Variants in MAD1L1 observed in about 807,000 individuals in gnomAD.
MAD1L1 encodes mitotic arrest deficient 1 like 1.
A neutral mutation model predicts 96.9 loss-of-function variants in MAD1L1; 95 were observed. The ratio of observed to expected loss-of-function variants is 0.98; its 90% CI spans 0.83 to 1.16. The LOEUF is 1.16. Among genes scored for constraint, MAD1L1 ranks in the 50% most tolerant of loss-of-function variants. The pLI is 0.00. For synonymous variants in MAD1L1, 473 were observed against 396.6 expected (o/e 1.19, Z -2.29); for missense variants, 1,007 against 954.4 (o/e 1.06, Z -0.73).
chr7:2,208,288 C>T lies in MAD1L1; in HGVS notation c.986+4924G>A, dbSNP rs976057536. 6.6e-5 allele frequency among the ~76,000 whole-genome samples: 10 copies of T among 151,788 alleles called. No homozygotes were observed. In the South Asian group the frequency reaches 1.5e-3, roughly 22 times the overall value. ...GTATCCCGTGACCCTGTAAACCTCA[C>T]GGTTTAGTCCTACTGGCTTGTCATT... On this transcript the variant is annotated intron_variant, in intron 10 of 18. Coordinates refer to ENST00000265854, the MANE Select transcript of MAD1L1 (RefSeq NM_001013836.2).
At chr7:2,116,574 G>GT (rs1562702945) in intron 11 of MAD1L1, among the ~76,000 whole-genome samples, 1 of 150,622 alleles carries the variant, frequency 6.6e-6, no homozygotes, top group Non-Finnish European at 1.5e-5. Flanking sequence ...GGTTGGGGGG[G>GT]GGGGGGGCTC....
intron 18 of MAD1L1, chr7:1,838,661 CGGCTGG>C: frequency 1.2e-5 from 5 of 430,814 alleles, no homozygotes; most frequent in East Asian, 7.3e-5. Context: ...CGGCTGCCGA[CGGCTGG>C]GACTGGGAGA....
chr7:2,114,052 G>A lies in MAD1L1; in HGVS notation c.1073+35100C>T, dbSNP rs1026442437. ...AGACCTGAACGCAGTCAGGACCCGC[G>A]CCTGCTGCACCCAGGCCTTACAGCT... On this transcript the variant is annotated intron_variant, in intron 11 of 18. Transcript: ENST00000265854. The surrounding 1 kb of genome is among the most constrained non-coding windows in gnomAD (Gnocchi z 4.2). Among the ~76,000 whole-genome samples the A allele has an allele frequency of 3.9e-5, 6 of 152,172 alleles. No individual in the cohort carries two copies. Among genetic ancestry groups the A allele is most frequent in the African/African-American group, 1.2e-4 (5 of 41,438 alleles).
At chr7:1,973,067 G>A (rs577892778) in intron 15 of MAD1L1, among the ~76,000 whole-genome samples, 4 of 152,290 alleles carry the variant, frequency 2.6e-5, no homozygotes, top group African/African-American at 4.8e-5. Context: ...TTGATGACCC[G>A]TGATGTGATC....
intron 10 of MAD1L1, among the ~76,000 whole-genome samples, chr7:2,160,100 G>A (rs770185521): frequency 5.3e-5 from 8 of 151,932 alleles, no homozygotes; most frequent in Non-Finnish European, 1.0e-4. Flanking sequence ...GCCTGGTGGG[G>A]AGTGCCTATA....
chr7:2,022,461 T>C (rs111760632), intron 12 of MAD1L1, among the ~76,000 whole-genome samples: 10,814 of 151,916 alleles, frequency 0.071, 1,239 homozygotes, highest in African/African-American at 0.24. Context: ...CGAAACCCTG[T>C]CTCTACTAAA....
intron 18 of MAD1L1, chr7:1,848,485 C>A (rs144610904): frequency 1.3e-5 from 2 of 152,424 alleles, no homozygotes; most frequent in African/African-American, 2.4e-5. Flanking sequence ...GGCCAGTCAC[C>A]GGGCCCGGCT....
In MAD1L1 at chr7:2,013,880, T is replaced by A. The variant is rs142146037; in HGVS notation, c.1359+622A>T. Among the ~76,000 whole-genome samples the A allele has an allele frequency of 5.1e-3, 769 of 152,262 alleles. 7 individuals are homozygous for A. The highest frequency in any genetic ancestry group is 0.017 in the African/African-American group (708 of 41,560). ...TTCTTCCCACTGCACAGGTGAGAGC[T>A]GCTCAGAGCTAGACAAGGGCACGGA... On this transcript the variant is annotated intron_variant, in intron 13 of 18. Transcript: ENST00000265854.
chr7:1,823,954 GAGAGGAAAGGAGCCCT>G (rs1337067400), intron 18 of MAD1L1, among the ~76,000 whole-genome samples: 2 of 152,208 alleles, frequency 1.3e-5, no homozygotes, highest in African/African-American at 4.8e-5. Flanking sequence ...TCTGTGTGGG[GAGAGGAAAGGAGCCCT>G]CGGGGGAAGT....
In MAD1L1 at chr7:1,957,562, C is replaced by T. The variant is rs527701371; in HGVS notation, c.1596+67G>A. On this transcript the variant is annotated intron_variant, in intron 16 of 18. Coordinates refer to ENST00000265854, the MANE Select transcript of MAD1L1 (RefSeq NM_001013836.2). Reference sequence around the variant, plus strand: ...GTTCTGTGGCAGCAGGAACCACGGTCGTTCACGACGCCCAAAGAAATGAGA... The same window carrying T: ...GTTCTGTGGCAGCAGGAACCACGGTTGTTCACGACGCCCAAAGAAATGAGA... The T allele has an allele frequency of 2.9e-5, 43 of 1,496,816 alleles. No individual in the cohort carries two copies. In the Admixed American group the frequency reaches 6.3e-4, roughly 22 times the overall value. 92.7% of individuals were successfully genotyped at this position (1,496,816 alleles called of 1,614,324 possible). A position where few individuals can be genotyped will look rare whatever the true frequency, so the allele number is the denominator to read the frequency against.
chr7:1,973,328 C>T (rs1359162722), intron 15 of MAD1L1, among the ~76,000 whole-genome samples: 1 of 152,164 alleles, frequency 6.6e-6, no homozygotes, highest in South Asian at 2.1e-4. Context: ...GACCTGGGGG[C>T]AGAGTGGGAG....
intron 18 of MAD1L1, among the ~76,000 whole-genome samples, chr7:1,864,533 C>T (rs187849541): frequency 7.9e-5 from 12 of 152,348 alleles, no homozygotes; most frequent in Non-Finnish European, 1.5e-4. Context: ...GACACAGTTG[C>T]TGGGCAATTT....
At chr7:2,045,646 C>T (rs1783886452) in intron 12 of MAD1L1, among the ~76,000 whole-genome samples, 1 of 152,082 alleles carries the variant, frequency 6.6e-6, no homozygotes, top group Non-Finnish European at 1.5e-5. Context: ...CCTGACGATG[C>T]CCTGGAAAAG....
At chr7:1,954,749 G>A (rs1409297343) in intron 16 of MAD1L1, among the ~76,000 whole-genome samples, 2 of 152,172 alleles carry the variant, frequency 1.3e-5, no homozygotes, top group South Asian at 2.1e-4. Context: ...GGCTCCCTGT[G>A]GGCCTCACTT....
intron 2 of MAD1L1, 33 bp from the exon 3 acceptor site, chr7:2,230,176 C>T (rs1055042050): frequency 6.5e-7 from 1 of 1,550,128 alleles, no homozygotes; most frequent in Non-Finnish European, 8.7e-7. Flanking sequence ...TGGTCAGGGG[C>T]AGCCTTTCCA....
intron 12 of MAD1L1, among the ~76,000 whole-genome samples, chr7:2,066,686 C>T (rs1038433354): frequency 6.6e-6 from 1 of 152,146 alleles, no homozygotes; most frequent in East Asian, 1.9e-4. Flanking sequence ...CAGAAGGCTG[C>T]GGGGCTCCAC....
At chr7:1,945,654 G>A (rs1779196946) in intron 16 of MAD1L1, among the ~76,000 whole-genome samples, 1 of 152,222 alleles carries the variant, frequency 6.6e-6, no homozygotes, top group Non-Finnish European at 1.5e-5. Flanking sequence ...CCCGGCCAGT[G>A]CTCTGTGAGC....
chr7:1,853,298 C>T (rs1224687627), intron 18 of MAD1L1, among the ~76,000 whole-genome samples: 7 of 152,158 alleles, frequency 4.6e-5, no homozygotes, highest in South Asian at 2.1e-4. Flanking sequence ...AGGCCCCACG[C>T]GTGTGGAGCT....
chr7:2,191,421 T>C (rs1311162745), intron 10 of MAD1L1, among the ~76,000 whole-genome samples: 1 of 152,242 alleles, frequency 6.6e-6, no homozygotes, highest in African/African-American at 2.4e-5. Flanking sequence ...AGTTTGTTTT[T>C]ACTTTTTTAA....
Sources: gnomAD v4.1 joint callset for allele counts (sites outside exome capture counted in the v4.1 genomes callset) on GRCh38, gnomAD v4.1.1 for gene constraint, Gnocchi (gnomAD v3.1) non-coding constraint, MANE v1.5 for transcripts, NCBI Gene and HGNC (gene_info 2026-07-23, HGNC 2026-07-21) for gene names.